HACE1: variants seen among roughly 807,000 people sequenced by gnomAD.
HACE1 encodes E3 ubiquitin-protein ligase HACE1.
A neutral mutation model predicts 118.4 loss-of-function variants in HACE1; 73 were observed. The observed-to-expected ratio is 0.62, with a 90% CI of 0.51 to 0.75. HACE1 has a LOEUF of 0.75. Among genes scored for constraint, HACE1 ranks in the 30% least tolerant of loss-of-function variants. HACE1 has a pLI of 0.00. For synonymous variants in HACE1, 368 were observed against 374.8 expected, an observed-to-expected ratio of 0.98 and a Z score of 0.21; for missense variants, 749 against 1,102.2, an observed-to-expected ratio of 0.68 and a Z score of 4.54.
chr6:104,835,761 G>C (rs905109401), intron 5 of HACE1, among the ~76,000 whole-genome samples: 4 of 152,068 alleles, frequency 2.6e-5, no homozygotes, highest in African/African-American at 9.7e-5. Context: ...TAAATCCAAA[G>C]CAAGACATAA....
intron 22 of HACE1, among the ~76,000 whole-genome samples, chr6:104,734,348 AG>A (rs1562248572): frequency 2.0e-5 from 3 of 152,080 alleles, no homozygotes; most frequent in Admixed American, 6.6e-5. Context: ...ATTATACTAC[AG>A]ACCTGTAGAA....
At chr6:104,811,112 A>G (rs9499980) in intron 7 of HACE1, among the ~76,000 whole-genome samples, 199 bp downstream of exon 7, 5,128 of 151,826 alleles carry the variant, frequency 0.034, 275 homozygotes, top group African/African-American at 0.12. Context: ...CATCTTAAAA[A>G]AGAGATTGTA....
intron 7 of HACE1, among the ~76,000 whole-genome samples, chr6:104,801,919 TA>T (rs1182203830): frequency 6.7e-6 from 1 of 148,770 alleles, no homozygotes; most frequent in Non-Finnish European, 1.5e-5. Flanking sequence ...GTAAACTGGA[TA>T]AAGAGTCAAG....
chr6:104,812,606 T>C (rs1771749187), intron 6 of HACE1, among the ~76,000 whole-genome samples: 1 of 152,140 alleles, frequency 6.6e-6, no homozygotes, highest in South Asian at 2.1e-4. Flanking sequence ...GCATACTGGA[T>C]AAGTCAGTAA....
chr6:104,796,318 C>T (rs891502767), intron 9 of HACE1, among the ~76,000 whole-genome samples: 5 of 151,958 alleles, frequency 3.3e-5, no homozygotes, highest in African/African-American at 1.2e-4. Context: ...CTTTGTTGCC[C>T]AAGCTAGTCT....
rs1379291025 is a variant in HACE1, at chr6:104,744,582, A to G, written c.2372T>C (p.Ile791Thr). 4.0e-5 allele frequency: 64 copies of G among 1,601,198 alleles called. No homozygotes were observed. Among genetic ancestry groups the G allele is most frequent in the Non-Finnish European group, 5.2e-5 (61 of 1,168,538 alleles). The change falls in exon 21 of 24, where the codon ATT becomes ACT. Residue 791 changes from isoleucine (I) to threonine (T), a missense_variant. This residue lies in a region of HACE1 where 165 missense variants were observed against 229.9 expected (regional missense o/e 0.72). Coordinates refer to ENST00000262903, the MANE Select transcript of HACE1 (RefSeq NM_020771.4). ...LELLLSGMPE[I>T]DVSDWIKNTE... ...ATTTTTTATCCAATCACTCACATCAATTTCTGGCATGCCAGAAAGCAGTAG... is the reference window on the plus strand; with the variant it reads ...ATTTTTTATCCAATCACTCACATCAGTTTCTGGCATGCCAGAAAGCAGTAG...
intron 1 of HACE1, among the ~76,000 whole-genome samples, chr6:104,853,969 T>C (rs1051293196): frequency 2.0e-5 from 3 of 152,228 alleles, no homozygotes; most frequent in Admixed American, 6.5e-5. Context: ...AGGACAATTA[T>C]AATACTATAC....
At chr6:104,839,601 G>A (rs1774893184) in intron 5 of HACE1, among the ~76,000 whole-genome samples, 1 of 152,172 alleles carries the variant, frequency 6.6e-6, no homozygotes, top group Non-Finnish European at 1.5e-5. Flanking sequence ...ATTGACTATG[G>A]TGGTGAAAAC....
chr6:104,738,669 G>T (rs1488465070), intron 22 of HACE1, among the ~76,000 whole-genome samples: 1 of 149,866 alleles, frequency 6.7e-6, no homozygotes, highest in African/African-American at 2.5e-5. Flanking sequence ...GGGACTATGT[G>T]AAAAGACCAA....
At chr6:104,774,933 T>C (rs1781067547) in intron 17 of HACE1, among the ~76,000 whole-genome samples, 1 of 152,246 alleles carries the variant, frequency 6.6e-6, no homozygotes, top group Admixed American at 6.5e-5. Flanking sequence ...TTGATTCCTA[T>C]ATGTAATTCT....
chr6:104,848,693 TA>T (rs1775894877), intron 4 of HACE1, among the ~76,000 whole-genome samples: 1 of 152,162 alleles, frequency 6.6e-6, no homozygotes, highest in Non-Finnish European at 1.5e-5. Context: ...AGTCTGTGTA[TA>T]ATTCCATTAA....
At chr6:104,737,282 CAAAA>C (rs59915070) in intron 22 of HACE1, among the ~76,000 whole-genome samples, 594 of 42,640 alleles carry the variant, frequency 0.014, 3 homozygotes, top group African/African-American at 0.05. Flanking sequence ...GACTCTCTCT[CAAAA>C]AAAAAAAAAA....
At chr6:104,833,839 G>C (rs1443692905) in intron 5 of HACE1, among the ~76,000 whole-genome samples, 1 of 152,134 alleles carries the variant, frequency 6.6e-6, no homozygotes, top group Non-Finnish European at 1.5e-5. Context: ...CAAAAAATTA[G>C]CTGGACGTGG....
Position 104,737,282 on chromosome 6 carries a change from CAAAAA to C in HACE1, c.2514-6871_2514-6867del, listed in dbSNP as rs59915070. Among the ~76,000 whole-genome samples, 32 of 42,710 alleles carry C rather than the reference CAAAAA, an allele frequency of 7.5e-4. No individual in the cohort carries two copies. The South Asian group carries it at 0.019, about 26-fold the overall frequency. The allele number at this position is 42,710 out of a possible 152,430, so 28.0% of individuals were successfully genotyped here. A position where few individuals can be genotyped will look rare whatever the true frequency, so the allele number is the denominator to read the frequency against. On this transcript the variant is annotated intron_variant, in intron 22 of 23. Coordinates refer to ENST00000262903, the MANE Select transcript of HACE1 (RefSeq NM_020771.4). The stretch of plus-strand genomic sequence containing the variant: ...TGGGGGACAGAGTGAGACTCTCTCT[CAAAAA>C]AAAAAAAAAAAAAAAAAAAAGAAAA...
intron 6 of HACE1, among the ~76,000 whole-genome samples, chr6:104,823,903 C>G (rs559551557): frequency 8.5e-5 from 13 of 152,198 alleles, no homozygotes; most frequent in Admixed American, 7.2e-4. Flanking sequence ...CAACCTGAAT[C>G]ACAGTTTTAA....
chr6:104,858,591 G>A (rs572643550), intron 1 of HACE1: 5 of 282,358 alleles, frequency 1.8e-5, no homozygotes, highest in Admixed American at 4.7e-5. Flanking sequence ...TTTCTTTCAT[G>A]ACCGTCTGCC....
At chr6:104,817,069 A>G (rs968721411) in intron 6 of HACE1, among the ~76,000 whole-genome samples, 2 of 152,208 alleles carry the variant, frequency 1.3e-5, no homozygotes, top group Admixed American at 6.5e-5. Context: ...TTACAGGCTC[A>G]TAGGCAGAAG....
At chr6:104,738,393 C>G (rs1776191334) in intron 22 of HACE1, among the ~76,000 whole-genome samples, 1 of 148,054 alleles carries the variant, frequency 6.8e-6, no homozygotes. Flanking sequence ...ACATTCAAAC[C>G]AAAGGCAAAG....
chr6:104,749,553 GAC>G (rs1432029424), intron 20 of HACE1, among the ~76,000 whole-genome samples: 1 of 151,998 alleles, frequency 6.6e-6, no homozygotes, highest in Non-Finnish European at 1.5e-5. Flanking sequence ...AATTTTCTGA[GAC>G]AGAATAAAAA....
Sources: allele counts gnomAD v4.1 joint callset (sites outside exome capture counted in the v4.1 genomes callset), GRCh38; gene constraint gnomAD v4.1.1; regional missense constraint gnomAD v4.1.1; transcripts MANE v1.5; gene names NCBI Gene and HGNC (gene_info 2026-07-23, HGNC 2026-07-21).